Variants in MBIP observed in about 807,000 individuals in gnomAD.
MBIP encodes MAP3K12 binding inhibitory protein 1, also known as MAP3K12-binding inhibitory protein 1.
In MBIP, 32 loss-of-function variants were observed where a neutral mutation model predicts 45.7. The observed-to-expected ratio is 0.70, with a 90% CI of 0.53 to 0.94. MBIP has a LOEUF of 0.94. Among genes scored for constraint, MBIP ranks in the 40% least tolerant of loss-of-function variants. The pLI is 0.00. For synonymous variants in MBIP, 145 were observed against 141.0 expected (o/e 1.03, Z -0.20); for missense variants, 381 against 405.5 (o/e 0.94, Z 0.52).
At chr14:36,305,204 C>A (rs1879796330) in intron 7 of MBIP, 1 of 152,282 alleles carries the variant, frequency 6.6e-6, no homozygotes, top group Non-Finnish European at 1.5e-5. Context: ...GACTGTATTC[C>A]AAGTGAGGTT....
At chr14:36,302,478 C>A (rs1879623290) in intron 7 of MBIP, among the ~76,000 whole-genome samples, 1 of 118,178 alleles carries the variant, frequency 8.5e-6, no homozygotes, top group Non-Finnish European at 1.6e-5. Flanking sequence ...GGCGACAGAG[C>A]AAGACACCAT....
Position 36,308,085 on chromosome 14 carries a change from T to C in MBIP, c.888+7A>G, listed in dbSNP as rs779247704. 3 of 1,431,364 alleles carry C rather than the reference T, an allele frequency of 2.1e-6. No homozygotes were observed. The highest frequency in any genetic ancestry group is 1.8e-5 in the Admixed American group (1 of 55,834). The allele number at this position is 1,431,364 out of a possible 1,614,324, so 88.7% of individuals were successfully genotyped here. A position where few individuals can be genotyped will look rare whatever the true frequency, so the allele number is the denominator to read the frequency against. On this transcript the variant is annotated splice_region_variant and intron_variant, in intron 7 of 8. Coordinates refer to ENST00000416007, the MANE Select transcript of MBIP (RefSeq NM_016586.3). ...TTCATTTATTTTTAAAAGACACTTA[T>C]ACTCACTACAGACTGAAAATATTCA...
Position 36,311,554 on chromosome 14 carries a change from C to A in MBIP, c.790+19G>T, listed in dbSNP as rs1459057569. 1 of 1,578,554 alleles carries A rather than the reference C, an allele frequency of 6.3e-7. No individual in the cohort carries two copies. The highest frequency in any genetic ancestry group is 2.3e-5 in the East Asian group (1 of 44,146). On this transcript the variant is annotated intron_variant, in intron 6 of 8. Coordinates refer to ENST00000416007, the MANE Select transcript of MBIP (RefSeq NM_016586.3). Reference sequence around the variant, plus strand: ...TTTGCAAAGGTTCATTATGAGGTGCCACTTAGCACTTTGCTTACCTGTCTG... The same window carrying A: ...TTTGCAAAGGTTCATTATGAGGTGCAACTTAGCACTTTGCTTACCTGTCTG...
Position 36,320,497 on chromosome 14 carries a change from T to C in MBIP, c.92A>G (p.Tyr31Cys). 2 of 1,614,012 alleles carry C rather than the reference T, an allele frequency of 1.2e-6. No individual in the cohort carries two copies. The highest frequency in any genetic ancestry group is 8.5e-7 in the Non-Finnish European group (1 of 1,179,996). ...CRPNLSREVL[Y>C]EIFRSLHTLV... ...GGTGTGTAGGGAGCGAAAGATTTCG[T>C]AGAGCACCTCTCGGGAGAGGTTGGG... The change falls in exon 1 of 9, where the codon TAC (tyrosine) becomes TGC (cysteine). Residue 31 changes from tyrosine to cysteine, a missense_variant. Transcript: ENST00000416007.
At chr14:36,304,489 C>T (rs140336344) in intron 7 of MBIP, among the ~76,000 whole-genome samples, 6 of 152,284 alleles carry the variant, frequency 3.9e-5, no homozygotes, top group Non-Finnish European at 8.8e-5. Flanking sequence ...TTACTGTTTT[C>T]AAGTATCATA....
rs1441781390 is a variant in MBIP, at chr14:36,314,647, T to A, written c.475-39A>T. 6 of 1,607,066 alleles carry A rather than the reference T, an allele frequency of 3.7e-6. No individual in the cohort carries two copies. The South Asian group carries it at 5.5e-5, about 15-fold the overall frequency. ...GTTTTAACAGTGTAAACATAAGATT[T>A]TTTAAAATAATACCCTCTCGCCCCC... On this transcript the variant is annotated intron_variant, in intron 3 of 8. Coordinates refer to ENST00000416007, the MANE Select transcript of MBIP (RefSeq NM_016586.3).
chr14:36,314,483 C>A, intron 4 of MBIP, 29 bp downstream of exon 4: 8 of 1,422,238 alleles, frequency 5.6e-6, no homozygotes, highest in South Asian at 2.5e-5. Context: ...TGCTTAAAAC[C>A]CTATGAAAAT....
intron 7 of MBIP, chr14:36,305,080 T>C (rs1386801682): frequency 1.3e-5 from 2 of 152,242 alleles, no homozygotes; most frequent in Non-Finnish European, 2.9e-5. Flanking sequence ...TGTAAAATTA[T>C]GCAATTACCA....
At position 36,320,572 on chromosome 14, in the gene MBIP, T is replaced by A; in HGVS notation, c.17A>T (p.Glu6Val). ...GTCACCGCTGCTCGGGCGATTAAGC[T>A]CCGTGGCAGCAGCCATGATATCTTC... is the stretch of plus-strand genomic sequence containing the variant. MAAAT[E>V]LNRPSSGDRN... Residue 6 changes from glutamate to valine, a missense_variant, in exon 1 of 9, where the codon GAG (glutamate) becomes GTG (valine). By Grantham distance (121) the Glu-to-Val change is moderately radical. Transcript: ENST00000416007. 1 of 1,610,764 alleles carries A rather than the reference T, an allele frequency of 6.2e-7. No individual in the cohort carries two copies. The highest frequency in any genetic ancestry group is 8.5e-7 in the Non-Finnish European group (1 of 1,178,446).
intron 8 of MBIP, among the ~76,000 whole-genome samples, chr14:36,299,602 T>C (rs1879415367): frequency 6.6e-6 from 1 of 151,918 alleles, no homozygotes; most frequent in African/African-American, 2.4e-5. Flanking sequence ...CCCCATGACA[T>C]GCAATTTACC....
At chr14:36,319,445 C>A in intron 1 of MBIP, 1 of 231,128 alleles carries the variant, frequency 4.3e-6, no homozygotes, top group East Asian at 1.3e-4. Flanking sequence ...GTTTAACTTA[C>A]AGTAATGTTC....
At chr14:36,307,962 G>A (rs568188046) in intron 7 of MBIP, 130 bp downstream of exon 7, 9 of 561,506 alleles carry the variant, frequency 1.6e-5, no homozygotes, top group Non-Finnish European at 2.8e-5. Flanking sequence ...CCCTATACAG[G>A]ACTGTGTTCA....
chr14:36,314,352 T>C (rs1880410177), intron 4 of MBIP, 160 bp downstream of exon 4: 3 of 547,848 alleles, frequency 5.5e-6, no homozygotes, highest in East Asian at 3.0e-5. Context: ...TAGTCTATTA[T>C]TAAGCAGAAG....
chr14:36,316,615 G>T, intron 2 of MBIP, 78 bp downstream of exon 2: 1 of 1,339,538 alleles, frequency 7.5e-7, no homozygotes, highest in Non-Finnish European at 1.0e-6. Flanking sequence ...GTTTAGAACT[G>T]TCAAATACTC....
At chr14:36,301,819 T>A (rs1879574952) in intron 7 of MBIP, among the ~76,000 whole-genome samples, 1 of 152,226 alleles carries the variant, frequency 6.6e-6, no homozygotes, top group African/African-American at 2.4e-5. Context: ...ACACAAGCAC[T>A]AGCTTTTGAA....
At chr14:36,302,259 G>A (rs1348496248) in intron 7 of MBIP, among the ~76,000 whole-genome samples, 2 of 152,122 alleles carry the variant, frequency 1.3e-5, no homozygotes, top group South Asian at 2.1e-4. Flanking sequence ...TTGGGAGGCC[G>A]AGGCGGGTGG....
intron 7 of MBIP, chr14:36,301,127 G>A: frequency 4.8e-6 from 1 of 207,062 alleles, no homozygotes; most frequent in Non-Finnish European, 9.6e-6. Context: ...GGAAAGAGGT[G>A]CTCTGGGGAT....
chr14:36,302,306 C>T (rs889777952), intron 7 of MBIP, among the ~76,000 whole-genome samples: 20 of 152,086 alleles, frequency 1.3e-4, no homozygotes, highest in African/African-American at 4.8e-4. Context: ...TCCTGGCTAA[C>T]ATGGTGAAAC....
intron 1 of MBIP, 92 bp from the exon 2 acceptor site, chr14:36,316,904 G>A: frequency 7.4e-7 from 1 of 1,357,070 alleles, no homozygotes; most frequent in Non-Finnish European, 9.9e-7. Flanking sequence ...TAGAGTAACG[G>A]GTCTATTTTG....
Sources: allele counts gnomAD v4.1 joint callset (sites outside exome capture counted in the v4.1 genomes callset), GRCh38; gene constraint gnomAD v4.1.1; transcripts MANE v1.5; gene names NCBI Gene and HGNC (gene_info 2026-07-23, HGNC 2026-07-21).